TTC17: variants seen among roughly 807,000 people sequenced by gnomAD.
TTC17 encodes tetratricopeptide repeat domain 17, also known as tetratricopeptide repeat protein 17.
TTC17 carries 58 observed loss-of-function variants against 143.8 expected under a neutral mutation model. The ratio of observed to expected loss-of-function variants is 0.40; its 90% CI spans 0.33 to 0.50. The LOEUF is 0.50. Ranked by LOEUF, TTC17 falls within the 20% of genes least tolerant of loss-of-function variation. TTC17 has a pLI of 0.49. For missense variants in TTC17, 1,273 were observed against 1,392.5 expected, an observed-to-expected ratio of 0.91 and a Z score of 1.37; for synonymous variants, 501 against 497.8, an observed-to-expected ratio of 1.01 and a Z score of -0.09.
At position 43,444,165 on chromosome 11, in the gene TTC17, A is replaced by G; in HGVS notation, c.2621A>G (p.Asn874Ser). 1.2e-6 allele frequency: 2 copies of G among 1,613,168 alleles called. No homozygotes were observed. The highest frequency in any genetic ancestry group is 2.2e-5 in the South Asian group (2 of 90,820). ...GAAAATGGACATCGTTACCAAGCAA[A>G]CCTAGAGATCACTGGCCCCAAGGTG... is the stretch of plus-strand genomic sequence containing the variant. The part of the protein sequence containing the change: ...QIENGHRYQA[N>S]LEITGPKVAS... Residue 874 changes from asparagine (N) to serine (S), a missense_variant, in exon 18 of 24, where the codon AAC becomes AGC. Around this residue, in one of 3 missense-constraint regions of TTC17, gnomAD observed 878 missense variants for 899.8 expected, o/e 0.98. Transcript: ENST00000039989.
At chr11:43,481,509 G>A (rs1948286233) in intron 21 of TTC17, among the ~76,000 whole-genome samples, 1 of 152,148 alleles carries the variant, frequency 6.6e-6, no homozygotes, top group Non-Finnish European at 1.5e-5. Context: ...TCTGGTCCTA[G>A]AGTTCTCTTT....
At chr11:43,361,132 C>T (rs1489257445) in intron 1 of TTC17, among the ~76,000 whole-genome samples, 4 of 152,156 alleles carry the variant, frequency 2.6e-5, no homozygotes, top group Admixed American at 2.6e-4. Flanking sequence ...CTGCCGAGTT[C>T]CACTCTGATA....
chr11:43,414,567 T>C, intron 15 of TTC17, 23 bp from the exon 16 acceptor site: 1 of 1,585,282 alleles, frequency 6.3e-7, no homozygotes, highest in Non-Finnish European at 8.6e-7. Flanking sequence ...ATTAACATTT[T>C]GCCGATTTTT....
At chr11:43,484,769 G>A (rs554352547) in intron 21 of TTC17, among the ~76,000 whole-genome samples, 11 of 152,202 alleles carry the variant, frequency 7.2e-5, no homozygotes, top group African/African-American at 2.2e-4. Flanking sequence ...AAATAGACTC[G>A]AATACAGGGG....
chr11:43,474,328 G>T (rs1226101448), intron 21 of TTC17, among the ~76,000 whole-genome samples: 2 of 152,126 alleles, frequency 1.3e-5, no homozygotes, highest in South Asian at 4.1e-4. Context: ...AATGGCAAGG[G>T]AAGAGTGGAT....
Position 43,414,640 on chromosome 11 carries a change from C to G in TTC17, c.2115C>G (p.Ile705Met). ...LGNAYLALKN[I>M]SGALEAFRQA... ...ATGCTTACCTTGCTCTGAAGAATAT[C>G]AGTGGGGCACTTGAGGCCTTTAGAC... Residue 705 changes from isoleucine to methionine, a missense_variant, in exon 16 of 24, where the codon ATC becomes ATG. Around this residue, in one of 3 missense-constraint regions of TTC17, gnomAD observed 878 missense variants for 899.8 expected, o/e 0.98. Coordinates refer to ENST00000039989, the MANE Select transcript of TTC17 (RefSeq NM_018259.6). 6.2e-7 allele frequency: 1 copy of G among 1,613,528 alleles called. No homozygotes were observed. Among genetic ancestry groups the G allele is most frequent in the Non-Finnish European group, 8.5e-7 (1 of 1,179,658 alleles).
At chr11:43,378,075 A>T (rs895533509) in intron 1 of TTC17, among the ~76,000 whole-genome samples, 1 of 151,968 alleles carries the variant, frequency 6.6e-6, no homozygotes, top group African/African-American at 2.4e-5. Flanking sequence ...GCTAATTTTT[A>T]TATTTTTAAT....
At chr11:43,472,916 T>G (rs377726221) in intron 21 of TTC17, among the ~76,000 whole-genome samples, 16 of 151,456 alleles carry the variant, frequency 1.1e-4, no homozygotes, top group African/African-American at 3.4e-4. Context: ...GGCTCAAGCT[T>G]GTAATCCCAG....
At chr11:43,446,663 C>T (rs1167246366) in intron 18 of TTC17, 9 of 985,042 alleles carry the variant, frequency 9.1e-6, no homozygotes, top group Non-Finnish European at 1.1e-5. Flanking sequence ...CTGCCTGTAC[C>T]TCAAACAGTT....
chr11:43,405,764 T>C (rs1359565836), intron 12 of TTC17, 22 bp from the exon 13 acceptor site: 13 of 1,613,056 alleles, frequency 8.1e-6, no homozygotes, highest in Non-Finnish European at 1.0e-5. Flanking sequence ...AATATGAATC[T>C]TGTTCCTTTT....
At chr11:43,444,253 C>T in intron 18 of TTC17, 44 bp downstream of exon 18, 2 of 1,551,404 alleles carry the variant, frequency 1.3e-6, no homozygotes, top group Non-Finnish European at 1.7e-6. Context: ...TTTTAGATGT[C>T]ACTATCTCAT....
chr11:43,486,379 T>C (rs1443368782), intron 21 of TTC17: 2 of 442,886 alleles, frequency 4.5e-6, no homozygotes, highest in South Asian at 1.6e-5. Context: ...TGAAAAAAAA[T>C]AGTAGATGTA....
At chr11:43,468,171 CAGA>C (rs1948017641) in intron 21 of TTC17, 1 of 152,196 alleles carries the variant, frequency 6.6e-6, no homozygotes, top group African/African-American at 2.4e-5. Context: ...GCAATGGAAC[CAGA>C]AGACAACAAA....
At chr11:43,471,111 TATCAGAAC>T (rs1372764972) in intron 21 of TTC17, among the ~76,000 whole-genome samples, 2 of 152,206 alleles carry the variant, frequency 1.3e-5, no homozygotes, top group Non-Finnish European at 2.9e-5. Context: ...CCACCTGCAC[TATCAGAAC>T]ATTCAGGACG....
intron 16 of TTC17, among the ~76,000 whole-genome samples, chr11:43,440,423 A>G (rs1266593766): frequency 6.6e-6 from 1 of 152,248 alleles, no homozygotes; most frequent in African/African-American, 2.4e-5. Context: ...CTATAGTCAT[A>G]TATTAAAAAT....
chr11:43,469,713 C>T (rs777737917), intron 21 of TTC17, among the ~76,000 whole-genome samples: 2 of 152,190 alleles, frequency 1.3e-5, no homozygotes, highest in Non-Finnish European at 2.9e-5. Flanking sequence ...ACTGGAATAC[C>T]GCATGAAAGA....
intron 21 of TTC17, among the ~76,000 whole-genome samples, chr11:43,472,694 T>C (rs533914646): frequency 6.6e-6 from 1 of 152,228 alleles, no homozygotes; most frequent in East Asian, 1.9e-4. Flanking sequence ...AATGTTGATA[T>C]CAACTGTGAC....
chr11:43,463,591 T>C (rs965623875), intron 21 of TTC17, among the ~76,000 whole-genome samples: 2 of 152,206 alleles, frequency 1.3e-5, no homozygotes, highest in Non-Finnish European at 2.9e-5. Flanking sequence ...TTAACCATGT[T>C]CTTGCATGTG....
intron 21 of TTC17, 61 bp from the exon 22 acceptor site, chr11:43,490,178 C>G (rs750964691): frequency 9.0e-6 from 14 of 1,554,354 alleles, no homozygotes; most frequent in Non-Finnish European, 1.2e-5. Context: ...TGAACTTAAT[C>G]TTGGTAATAA....
Sources: gnomAD v4.1 joint callset for allele counts (sites outside exome capture counted in the v4.1 genomes callset) on GRCh38, gnomAD v4.1.1 for gene constraint, gnomAD v4.1.1 regional missense constraint, MANE v1.5 for transcripts, NCBI Gene and HGNC (gene_info 2026-07-23, HGNC 2026-07-21) for gene names.